NUP107: variants seen among roughly 807,000 people sequenced by gnomAD.
The protein encoded by NUP107 is nucleoporin 107.
NUP107 carries 101 observed loss-of-function variants against 141.0 expected under a neutral mutation model. The observed-to-expected ratio is 0.72, with a 90% CI of 0.61 to 0.84. NUP107 has a LOEUF of 0.84. NUP107 is among the 40% of genes least tolerant of loss of function. The pLI is 0.00. For synonymous variants in NUP107, 319 were observed against 363.9 expected (o/e 0.88, Z 1.41); for missense variants, 941 against 1,102.7 (o/e 0.85, Z 2.08).
At chr12:68,725,276 T>C (rs1243297794) in intron 17 of NUP107, among the ~76,000 whole-genome samples, 5 of 148,300 alleles carry the variant, frequency 3.4e-5, no homozygotes, top group Non-Finnish European at 7.5e-5. Context: ...CTGATCACTA[T>C]TTTTTTTTTT....
At chr12:68,719,761 A>G (rs1877277249) in intron 14 of NUP107, 107 bp downstream of exon 14, 7 of 772,730 alleles carry the variant, frequency 9.1e-6, no homozygotes, top group Non-Finnish European at 1.5e-5. Flanking sequence ...GTTTTCAGAG[A>G]ATTTCCAATT....
Position 68,731,708 on chromosome 12 carries a change from G to A in NUP107, c.1987G>A (p.Gly663Ser). 1 of 1,548,940 alleles carries A rather than the reference G, an allele frequency of 6.5e-7. No individual in the cohort carries two copies. The highest frequency in any genetic ancestry group is 1.2e-5 in the South Asian group (1 of 81,088). Residue 663 changes from glycine (G) to serine (S), a missense_variant, in exon 22 of 28, where the codon GGC (glycine) becomes AGC (serine). Gly to Ser is a moderately conservative substitution (Grantham distance 56, BLOSUM62 0). Transcript: ENST00000229179. The part of the protein sequence containing the change: ...HHDLAPALDT[G>S]TTEEDRLKID... ...TGACCTGGCCCCAGCCCTAGATACT[G>A]GCACTACTGAGGTAATTTGGGATGG...
At chr12:68,708,126 C>T (rs1876683281) in intron 8 of NUP107, among the ~76,000 whole-genome samples, 1 of 152,028 alleles carries the variant, frequency 6.6e-6, no homozygotes, top group Admixed American at 6.6e-5. Context: ...AAATATACTA[C>T]AACATTTTAT....
At chr12:68,726,136 G>C (rs1423330755) in intron 18 of NUP107, among the ~76,000 whole-genome samples, 1 of 152,076 alleles carries the variant, frequency 6.6e-6, no homozygotes, top group Non-Finnish European at 1.5e-5. Context: ...AGGCATGAGC[G>C]ACTGCACCCA....
chr12:68,718,235 C>G (rs531380203), intron 12 of NUP107, among the ~76,000 whole-genome samples: 1 of 152,288 alleles, frequency 6.6e-6, no homozygotes, highest in East Asian at 1.9e-4. Context: ...TATTTTCTTT[C>G]CCAGTATCTC....
intron 5 of NUP107, among the ~76,000 whole-genome samples, chr12:68,692,500 A>G (rs1358132765): frequency 6.7e-6 from 1 of 150,186 alleles, no homozygotes; most frequent in African/African-American, 2.5e-5. Flanking sequence ...AATCGCTTGA[A>G]CCCGGGAGGC....
chr12:68,698,559 C>T (rs1183215902), intron 6 of NUP107, among the ~76,000 whole-genome samples: 3 of 151,994 alleles, frequency 2.0e-5, no homozygotes, highest in Admixed American at 6.5e-5. Context: ...CTTCAGTGGG[C>T]GAATGAATAA....
chr12:68,729,813 C>T (rs1309111118), intron 20 of NUP107, among the ~76,000 whole-genome samples: 7 of 145,336 alleles, frequency 4.8e-5, no homozygotes, highest in East Asian at 2.0e-4. Flanking sequence ...TTTTTTGAGA[C>T]GGAGTCTCAC....
In NUP107 at chr12:68,708,933, G is replaced by T. The variant is rs552739806; in HGVS notation, c.730-305G>T. On this transcript the variant is annotated intron_variant, in intron 8 of 27. Coordinates refer to ENST00000229179, the MANE Select transcript of NUP107 (RefSeq NM_020401.4). The stretch of plus-strand genomic sequence containing the variant: ...CATGCCTGGCCTATTAAAGTTTTTT[G>T]TTTGTTTTATTTTGTGTTTATTTTT... Among the ~76,000 whole-genome samples the T allele has an allele frequency of 5.0e-4, 76 of 151,998 alleles. 1 individual carries two copies. The East Asian group carries it at 0.012, about 25-fold the overall frequency.
At position 68,731,192 on chromosome 12, in the gene NUP107, CATT is replaced by C; in HGVS notation, c.1821_1823del (p.Leu607del). On this transcript the variant is annotated inframe_deletion, in exon 21 of 28. Transcript: ENST00000229179. Reference sequence around the variant, plus strand: ...CAAGACCTAGCTGTTGCCCAGTATGCATTATTTTTGGAAAGTGTTACAGAATTT... The same window carrying C: ...CAAGACCTAGCTGTTGCCCAGTATGCATTTTTGGAAAGTGTTACAGAATTT... The C allele has an allele frequency of 6.2e-7, 1 of 1,612,266 alleles. No individual in the cohort carries two copies. The highest frequency in any genetic ancestry group is 8.5e-7 in the Non-Finnish European group (1 of 1,179,080).
intron 24 of NUP107, 110 bp from the exon 25 acceptor site, chr12:68,734,598 T>C: frequency 1.2e-6 from 1 of 850,256 alleles, no homozygotes; most frequent in Non-Finnish European, 1.8e-6. Context: ...GTTTTATTTC[T>C]TGATGCTGCA....
At chr12:68,714,746 G>GA (rs1386624269) in intron 11 of NUP107, among the ~76,000 whole-genome samples, 2 of 152,044 alleles carry the variant, frequency 1.3e-5, no homozygotes, top group African/African-American at 4.8e-5. Flanking sequence ...GAAGCACATG[G>GA]AAAAAAGGTA....
chr12:68,713,917 A>AC, intron 11 of NUP107, 109 bp downstream of exon 11: 1 of 752,550 alleles, frequency 1.3e-6, no homozygotes, highest in Non-Finnish European at 2.2e-6. Context: ...AGGTTTGCAC[A>AC]CACTAACATT....
chr12:68,715,084 T>C (rs1373898791), intron 11 of NUP107, among the ~76,000 whole-genome samples: 2 of 152,272 alleles, frequency 1.3e-5, no homozygotes, highest in East Asian at 1.9e-4. Flanking sequence ...GACTGAGGCA[T>C]GCCCTTTGTG....
chr12:68,739,021 A>G (rs140611546), intron 26 of NUP107, among the ~76,000 whole-genome samples: 226 of 151,914 alleles, frequency 1.5e-3, no homozygotes, highest in African/African-American at 4.8e-3. Context: ...TCCCATCACT[A>G]TATCCTGGCA....
chr12:68,702,428 CTTTT>C (rs1216232643), intron 7 of NUP107, among the ~76,000 whole-genome samples: 1 of 151,790 alleles, frequency 6.6e-6, no homozygotes, highest in African/African-American at 2.4e-5. Flanking sequence ...CCCTGCCTAA[CTTTT>C]TTTATTTTTA....
At position 68,734,791 on chromosome 12, in the gene NUP107, T is replaced by G; in HGVS notation, c.2346T>G (p.Phe782Leu). The change falls in exon 25 of 28, where the codon TTT becomes TTG. Residue 782 changes from phenylalanine to leucine, a missense_variant. Coordinates refer to ENST00000229179, the MANE Select transcript of NUP107 (RefSeq NM_020401.4). The stretch of plus-strand genomic sequence containing the variant: ...CTGCTTTGATACCTCAACCAACTTT[T>G]ACTGAGAAAGTGGCTCATGAACACA... The part of the protein sequence containing the change: ...QKPALIPQPT[F>L]TEKVAHEHKE... 6.2e-7 allele frequency: 1 copy of G among 1,613,782 alleles called. No homozygotes were observed. The highest frequency in any genetic ancestry group is 8.5e-7 in the Non-Finnish European group (1 of 1,179,856).
intron 23 of NUP107, among the ~76,000 whole-genome samples, chr12:68,733,146 T>A (rs1877912444): frequency 6.6e-6 from 1 of 152,196 alleles, no homozygotes; most frequent in Non-Finnish European, 1.5e-5. Context: ...AATGGTGAAT[T>A]TTCATTGTCC....
In NUP107 at chr12:68,725,760, A is replaced by G. The variant is rs1877531699; in HGVS notation, c.1540A>G (p.Ile514Val). 6.5e-7 allele frequency: 1 copy of G among 1,538,388 alleles called. No homozygotes were observed. Among genetic ancestry groups the G allele is most frequent in the Non-Finnish European group, 8.8e-7 (1 of 1,130,910 alleles). ...VLEENQEHYH[I>V]VQKFLILGDI... ...GGAAGAGAATCAAGAACATTATCAT[A>G]TAGTTCAAAAGTTTCTTATCCTGGG... Residue 514 changes from isoleucine (I) to valine (V), a missense_variant, in exon 18 of 28, where the codon ATA becomes GTA. Ile to Val is a conservative substitution (Grantham distance 29, BLOSUM62 3). Transcript: ENST00000229179.
Sources: allele counts gnomAD v4.1 joint callset (sites outside exome capture counted in the v4.1 genomes callset), GRCh38; gene constraint gnomAD v4.1.1; transcripts MANE v1.5; gene names NCBI Gene and HGNC (gene_info 2026-07-23, HGNC 2026-07-21).